The following SLC1A3 variants were observed in gnomAD, a reference collection of about 807,000 sequenced individuals.
SLC1A3 encodes the protein excitatory amino acid transporter 1.
SLC1A3 carries 21 observed loss-of-function variants against 48.1 expected under a neutral mutation model. The observed-to-expected ratio is 0.44, with a 90% CI of 0.31 to 0.63. The LOEUF (loss-of-function observed/expected upper bound fraction) is 0.63. Ranked by LOEUF, SLC1A3 falls within the 20% of genes least tolerant of loss-of-function variation. The probability of loss-of-function intolerance (pLI) is 0.08; values close to 1 mark genes in which losing one functional copy is unlikely to be tolerated. For missense variants in SLC1A3, 546 were observed against 689.0 expected (o/e 0.79, Z 2.32); for synonymous variants, 239 against 251.4 (o/e 0.95, Z 0.47).
intron 2 of SLC1A3, chr5:36,608,985 A>G (rs1739082228): frequency 9.9e-7 from 1 of 1,005,578 alleles, no homozygotes; most frequent in Non-Finnish European, 1.2e-6. Flanking sequence ...AATTTATACA[A>G]TTAGTACACC....
At chr5:36,598,504 TTCTA>T (rs1434438141) in intron 1 of SLC1A3, among the ~76,000 whole-genome samples, 4 of 152,192 alleles carry the variant, frequency 2.6e-5, no homozygotes, top group Admixed American at 6.5e-5. Context: ...GCCCTACCAA[TTCTA>T]TCTTTTTCCA....
In SLC1A3 at chr5:36,687,502, C is replaced by T. The variant is rs1006617043; in HGVS notation, c.*1233C>T. ...GAAGTCTGCTTACCAAAACATAAGA[C>T]GACTTATATATTTGAAAGAAGTCAA... On this transcript the variant is annotated 3_prime_UTR_variant, in exon 10 of 10. Transcript: ENST00000265113. The T allele has an allele frequency of 4.0e-5, 6 of 151,730 alleles. No homozygotes were observed. The highest frequency in any genetic ancestry group is 3.9e-4 in the East Asian group (2 of 5,182). The allele number at this position is 151,730 out of a possible 1,614,324, so 9.4% of individuals were successfully genotyped here. A position where few individuals can be genotyped will look rare whatever the true frequency, so the allele number is the denominator to read the frequency against.
At chr5:36,664,476 T>C (rs1198891143) in intron 3 of SLC1A3, among the ~76,000 whole-genome samples, 2 of 151,472 alleles carry the variant, frequency 1.3e-5, no homozygotes, top group African/African-American at 2.4e-5. Flanking sequence ...CAAATGGGGG[T>C]TTATGCCAGT....
At chr5:36,608,625 C>CAA (rs3216728) in intron 2 of SLC1A3, 21 bp downstream of exon 2, 346 of 1,609,120 alleles carry the variant, frequency 2.2e-4, no homozygotes, top group East Asian at 4.2e-4. Context: ...TGATTAAAAA[C>CAA]AAAAAAACCT....
chr5:36,679,906 C>G (rs1742368316), intron 7 of SLC1A3, 46 bp downstream of exon 7: 1 of 1,378,912 alleles, frequency 7.3e-7, no homozygotes, highest in Non-Finnish European at 1.0e-6. Flanking sequence ...TTACCTTGAA[C>G]CAGGGCCCCT....
intron 3 of SLC1A3, among the ~76,000 whole-genome samples, chr5:36,643,857 G>T (rs901931190): frequency 6.6e-6 from 1 of 151,974 alleles, no homozygotes; most frequent in African/African-American, 2.4e-5. Context: ...AGCCAGGCGT[G>T]GTGGCATGAG....
intron 3 of SLC1A3, among the ~76,000 whole-genome samples, chr5:36,631,170 TC>T (rs1480019427): frequency 6.6e-6 from 1 of 152,208 alleles, no homozygotes; most frequent in Non-Finnish European, 1.5e-5. Flanking sequence ...GGGTTCTGGA[TC>T]TTTTATACTT....
At chr5:36,667,231 G>A (rs1741787478) in intron 3 of SLC1A3, among the ~76,000 whole-genome samples, 1 of 152,196 alleles carries the variant, frequency 6.6e-6, no homozygotes, top group Admixed American at 6.5e-5. Flanking sequence ...AATTTGCACT[G>A]ATATTATCAG....
At chr5:36,665,481 A>C (rs945454272) in intron 3 of SLC1A3, among the ~76,000 whole-genome samples, 2 of 152,228 alleles carry the variant, frequency 1.3e-5, no homozygotes, top group African/African-American at 4.8e-5. Context: ...CTAATCTTGC[A>C]ATGTAGATAT....
intron 2 of SLC1A3, among the ~76,000 whole-genome samples, chr5:36,622,328 C>G (rs964756638): frequency 1.3e-5 from 2 of 152,154 alleles, no homozygotes; most frequent in Non-Finnish European, 2.9e-5. Flanking sequence ...ACCTCGTTTT[C>G]TGGAAGATTT....
intron 5 of SLC1A3, among the ~76,000 whole-genome samples, chr5:36,675,727 T>C (rs1742179433): frequency 6.6e-6 from 1 of 152,208 alleles, no homozygotes; most frequent in African/African-American, 2.4e-5. Context: ...GCCAATTTTT[T>C]TGTTGCTTGA....
intron 2 of SLC1A3, among the ~76,000 whole-genome samples, chr5:36,621,872 G>A (rs1408062451): frequency 6.6e-6 from 1 of 152,168 alleles, no homozygotes; most frequent in East Asian, 1.9e-4. Flanking sequence ...CTAACCAACA[G>A]AATATGGCAG....
intron 9 of SLC1A3, among the ~76,000 whole-genome samples, chr5:36,685,815 AG>A (rs2111989680): frequency 6.6e-6 from 1 of 152,362 alleles, no homozygotes; most frequent in East Asian, 1.9e-4. Flanking sequence ...CTTAAAGAGA[AG>A]GCTCGTTCCC....
Position 36,686,129 on chromosome 5 carries a change from T to C in SLC1A3, c.1489T>C (p.Leu497=), listed in dbSNP as rs150357327. 755 of 1,614,174 alleles carry C rather than the reference T, an allele frequency of 4.7e-4. 5 individuals carry two copies. The African/African-American group carries it at 8.2e-3, about 17-fold the overall frequency. Residue 497 remains leucine, a synonymous_variant, in exon 10 of 10, where the codon TTG becomes CTG. Transcript: ENST00000265113. ...CCTGGGAGCTGGGATTGTGGAGCACTTGTCACGACATGAACTGAAGAACAG... is the reference window on the plus strand; with the variant it reads ...CCTGGGAGCTGGGATTGTGGAGCACCTGTCACGACATGAACTGAAGAACAG... ...DSLGAGIVEH[L]SRHELKNRDV... is the part of the protein sequence containing the mutation.
At position 36,631,533 on chromosome 5, in the gene SLC1A3, T is replaced by C. The variant is rs556562646; in HGVS notation, c.319+1946T>C. Among the ~76,000 whole-genome samples the C allele has an allele frequency of 2.6e-4, 39 of 152,324 alleles. No individual in the cohort carries two copies. In the East Asian group the frequency reaches 6.9e-3, roughly 27 times the overall value. On this transcript the variant is annotated intron_variant, in intron 3 of 9. Coordinates refer to ENST00000265113, the MANE Select transcript of SLC1A3 (RefSeq NM_004172.5). ...AATATTGTTAAAGAGAAAAGAATTA[T>C]AAGCTGCAAACAACTAATATAAAAT...
chr5:36,598,871 G>A (rs566664716), intron 1 of SLC1A3, among the ~76,000 whole-genome samples: 5 of 152,124 alleles, frequency 3.3e-5, no homozygotes, highest in South Asian at 2.1e-4. Context: ...CAAGCAGTCC[G>A]CCAACCTTGG....
At chr5:36,608,828 A>G (rs1739075530) in intron 2 of SLC1A3, 1 of 1,301,696 alleles carries the variant, frequency 7.7e-7, no homozygotes. Context: ...ATGCAAATCA[A>G]TTGTGTGAGG....
intron 2 of SLC1A3, among the ~76,000 whole-genome samples, chr5:36,621,538 T>C (rs1456933895): frequency 6.6e-6 from 1 of 151,690 alleles, no homozygotes; most frequent in Non-Finnish European, 1.5e-5. Flanking sequence ...AGAGGTGAAG[T>C]AGAGGCAGAG....
At chr5:36,681,922 T>C (rs192365106) in intron 8 of SLC1A3, among the ~76,000 whole-genome samples, 2 of 152,294 alleles carry the variant, frequency 1.3e-5, no homozygotes, top group East Asian at 3.9e-4. Context: ...GCCCTACATA[T>C]AGGGAAGTTG....
Sources: gnomAD v4.1 joint callset for allele counts (sites outside exome capture counted in the v4.1 genomes callset) on GRCh38, gnomAD v4.1.1 for gene constraint, MANE v1.5 for transcripts, NCBI Gene and HGNC (gene_info 2026-07-23, HGNC 2026-07-21) for gene names.